OR4K17: variants seen among roughly 807,000 people sequenced by gnomAD.
The protein encoded by OR4K17 is olfactory receptor family 4 subfamily K member 17.
For synonymous variants in OR4K17, 157 were observed against 132.8 expected, an observed-to-expected ratio of 1.18 and a Z score of -1.25; for missense variants, 480 against 366.3, an observed-to-expected ratio of 1.31 and a Z score of -2.53.
In OR4K17 at chr14:20,117,592, C is replaced by A. The variant is rs761450836; in HGVS notation, c.93C>A (p.Phe31Leu). The A allele has an allele frequency of 6.2e-7, 1 of 1,613,866 alleles. No homozygotes were observed. Among genetic ancestry groups the A allele is most frequent in the Non-Finnish European group, 8.5e-7 (1 of 1,179,976 alleles). The change falls in exon 2 of 2, where the codon TTC becomes TTA. Residue 31 changes from phenylalanine to leucine, a missense_variant. Physicochemically the swap from Phe to Leu is conservative, Grantham distance 22. Transcript: ENST00000641386. ...QDVEFLLFAL[F>L]SVIYVVTVLG... is the part of the protein sequence containing the mutation. The stretch of plus-strand genomic sequence containing the variant: ...TAGAGTTTCTTCTCTTTGCCCTCTT[C>A]TCGGTTATCTATGTGGTCACAGTTT...
chr14:20,122,194 A>T lies in OR4K17; in HGVS notation c.*3756A>T, dbSNP rs542446590. On this transcript the variant is annotated 3_prime_UTR_variant, in exon 2 of 2. Transcript: ENST00000641386. ...CTAAATGAATAAAAAGATAAAACCC[A>T]ACTACATACTGCCTCCAAGAGATTT... The T allele has an allele frequency of 6.6e-6, 1 of 152,164 alleles. No individual in the cohort carries two copies. Among genetic ancestry groups the T allele is most frequent in the East Asian group, 1.9e-4 (1 of 5,180 alleles). The allele number at this position is 152,164 out of a possible 1,614,324, so 9.4% of individuals were successfully genotyped here.
In OR4K17 at chr14:20,110,860, T is replaced by C. The variant is rs958869115; in HGVS notation, c.-65T>C. The C allele has an allele frequency of 6.6e-6, 1 of 152,020 alleles. No individual in the cohort carries two copies. The highest frequency in any genetic ancestry group is 2.4e-5 in the African/African-American group (1 of 41,412). 9.4% of individuals were successfully genotyped at this position (152,020 alleles called of 1,614,324 possible). ...GCATGCCCTTCTCGATATTGTCCCCTCTGAACCCATGGCCCTGACTTCTTC... is the reference window on the plus strand; with the variant it reads ...GCATGCCCTTCTCGATATTGTCCCCCCTGAACCCATGGCCCTGACTTCTTC... On this transcript the variant is annotated 5_prime_UTR_variant, in exon 1 of 2. Coordinates refer to ENST00000641386, the MANE Select transcript of OR4K17 (RefSeq NM_001004715.5).
chr14:20,119,049 T>G lies in OR4K17; in HGVS notation c.*611T>G, dbSNP rs1246254422. 1.3e-5 allele frequency: 2 copies of G among 152,054 alleles called. No homozygotes were observed. Among genetic ancestry groups the G allele is most frequent in the South Asian group, 2.1e-4 (1 of 4,820 alleles). The allele number at this position is 152,054 out of a possible 1,614,324, so 9.4% of individuals were successfully genotyped here. A position where few individuals can be genotyped will look rare whatever the true frequency, so the allele number is the denominator to read the frequency against. On this transcript the variant is annotated 3_prime_UTR_variant, in exon 2 of 2. Coordinates refer to ENST00000641386, the MANE Select transcript of OR4K17 (RefSeq NM_001004715.5). ...TGCCAGAGCGGCCATTTTAGAGACCTCCCCCTAGGAATGCATTCTCCTTCT... is the reference window on the plus strand; with the variant it reads ...TGCCAGAGCGGCCATTTTAGAGACCGCCCCCTAGGAATGCATTCTCCTTCT...
intron 1 of OR4K17, among the ~76,000 whole-genome samples, chr14:20,111,335 A>C (rs1365381392): frequency 6.6e-6 from 1 of 152,052 alleles, no homozygotes; most frequent in Non-Finnish European, 1.5e-5. Flanking sequence ...TCATCGACTG[A>C]GTCAGTTTCT....
At chr14:20,116,122 G>A (rs557443149) in intron 1 of OR4K17, among the ~76,000 whole-genome samples, 8 of 152,260 alleles carry the variant, frequency 5.3e-5, no homozygotes, top group South Asian at 2.1e-4. Context: ...GAGACCCAGA[G>A]GGAAAGATAA....
chr14:20,113,750 C>T (rs1877929790), intron 1 of OR4K17, among the ~76,000 whole-genome samples: 1 of 151,880 alleles, frequency 6.6e-6, no homozygotes, highest in African/African-American at 2.4e-5. Context: ...AATGGCCTTC[C>T]TTCAGTTCCT....
chr14:20,115,344 AT>A (rs1877965590), intron 1 of OR4K17, among the ~76,000 whole-genome samples: 1 of 152,114 alleles, frequency 6.6e-6, no homozygotes. Context: ...ATTATTCAAT[AT>A]TTTAAGAAAT....
At chr14:20,112,574 G>T (rs906639619) in intron 1 of OR4K17, among the ~76,000 whole-genome samples, 2 of 152,074 alleles carry the variant, frequency 1.3e-5, no homozygotes, top group East Asian at 3.9e-4. Flanking sequence ...ACACAAACTA[G>T]TTAGGTGAAG....
At chr14:20,111,620 G>A (rs1422279068) in intron 1 of OR4K17, among the ~76,000 whole-genome samples, 6 of 151,878 alleles carry the variant, frequency 4.0e-5, no homozygotes, top group Non-Finnish European at 5.9e-5. Flanking sequence ...GTTTTGCTTT[G>A]GTGTTATTGT....
rs753076701 is a variant in OR4K17 at position 20,118,014 on chromosome 14, A to G, written c.515A>G (p.Asn172Ser). 1.2e-5 allele frequency: 19 copies of G among 1,614,152 alleles called. No individual in the cohort carries two copies. In the Admixed American group the frequency reaches 2.5e-4, roughly 21 times the overall value. Residue 172 changes from asparagine to serine, a missense_variant, in exon 2 of 2, where the codon AAT (asparagine) becomes AGT (serine). Asn to Ser is a conservative substitution (Grantham distance 46, BLOSUM62 1). Coordinates refer to ENST00000641386, the MANE Select transcript of OR4K17 (RefSeq NM_001004715.5). Reference protein sequence around the residue: ...FAVNLPFCGPNVVDSIFCDLP... With the variant: ...FAVNLPFCGPSVVDSIFCDLP... ...GTGAACTTGCCCTTTTGTGGTCCCA[A>G]TGTGGTAGACAGCATTTTTTGTGAC...
Position 20,120,204 on chromosome 14 carries a change from T to C in OR4K17, c.*1766T>C, listed in dbSNP as rs556106130. 1 of 152,320 alleles carries C rather than the reference T, an allele frequency of 6.6e-6. No individual in the cohort carries two copies. The highest frequency in any genetic ancestry group is 2.1e-4 in the South Asian group (1 of 4,830). The allele number at this position is 152,320 out of a possible 1,614,324, so 9.4% of individuals were successfully genotyped here. On this transcript the variant is annotated 3_prime_UTR_variant, in exon 2 of 2. Transcript: ENST00000641386. ...TGATTTGGCACTCACTGTGAGATCA[T>C]GTTTGGTTCTCTGTCTTCTTTACAA... is the stretch of plus-strand genomic sequence containing the variant.
In OR4K17 at chr14:20,118,582, A is replaced by G; in HGVS notation, c.*144A>G. On this transcript the variant is annotated 3_prime_UTR_variant, in exon 2 of 2. Transcript: ENST00000641386. ...CCCTAAGTGTTGACTGGTCTGAGAAATAAAGGGAAAGAATACAAAAGAGAG... is the reference window on the plus strand; with the variant it reads ...CCCTAAGTGTTGACTGGTCTGAGAAGTAAAGGGAAAGAATACAAAAGAGAG... 1 of 565,540 alleles carries G rather than the reference A, an allele frequency of 1.8e-6. No individual in the cohort carries two copies. Among genetic ancestry groups the G allele is most frequent in the East Asian group, 3.0e-5 (1 of 33,648 alleles). 35.0% of individuals were successfully genotyped at this position (565,540 alleles called of 1,614,324 possible). A position where few individuals can be genotyped will look rare whatever the true frequency, so the allele number is the denominator to read the frequency against.
intron 1 of OR4K17, among the ~76,000 whole-genome samples, chr14:20,112,325 C>T (rs1342874040): frequency 6.6e-6 from 1 of 152,068 alleles, no homozygotes; most frequent in Non-Finnish European, 1.5e-5. Flanking sequence ...CCAGGAAAGA[C>T]ATTTGATCAG....
In OR4K17 at chr14:20,117,930, T is replaced by C. The variant is rs1594196075; in HGVS notation, c.431T>C (p.Leu144Pro). 1 of 1,614,154 alleles carries C rather than the reference T, an allele frequency of 6.2e-7. No homozygotes were observed. The highest frequency in any genetic ancestry group is 8.5e-7 in the Non-Finnish European group (1 of 1,180,026). ...ATGAACAAGAAGGTATGTGTTTTGCTTGTAGTGACCTCATGGCTCTTGGGT... is the reference window on the plus strand; with the variant it reads ...ATGAACAAGAAGGTATGTGTTTTGCCTGTAGTGACCTCATGGCTCTTGGGT... The part of the protein sequence containing the change: ...TIMNKKVCVL[L>P]VVTSWLLGLL... Residue 144 changes from leucine (L) to proline (P), a missense_variant, in exon 2 of 2, where the codon CTT becomes CCT. By Grantham distance (98) the Leu-to-Pro change is moderately conservative. Coordinates refer to ENST00000641386, the MANE Select transcript of OR4K17 (RefSeq NM_001004715.5).
intron 1 of OR4K17, chr14:20,111,934 A>G (rs1877891565): frequency 1.3e-5 from 2 of 152,026 alleles, no homozygotes; most frequent in Admixed American, 1.3e-4. Flanking sequence ...TTCTTCCTGC[A>G]GTGGAAAGAG....
rs755449310 is a variant in OR4K17 at position 20,117,900 on chromosome 14, C to T, written c.401C>T (p.Thr134Ile). The T allele has an allele frequency of 1.9e-6, 3 of 1,614,018 alleles. No homozygotes were observed. Among genetic ancestry groups the T allele is most frequent in the South Asian group, 1.1e-5 (1 of 91,068 alleles). Residue 134 changes from threonine (T) to isoleucine (I), a missense_variant, in exon 2 of 2, where the codon ACC becomes ATC. Thr to Ile is a moderately conservative substitution (Grantham distance 89). Transcript: ENST00000641386. ...VAICKPLHYM[T>I]IMNKKVCVLL... ...ATTTGTAAGCCCCTACACTACATGACCATCATGAACAAGAAGGTATGTGTT... is the reference window on the plus strand; with the variant it reads ...ATTTGTAAGCCCCTACACTACATGATCATCATGAACAAGAAGGTATGTGTT...
At chr14:20,116,137 G>A (rs1877986494) in intron 1 of OR4K17, among the ~76,000 whole-genome samples, 1 of 152,134 alleles carries the variant, frequency 6.6e-6, no homozygotes, top group African/African-American at 2.4e-5. Flanking sequence ...AGATAAGGCA[G>A]CTGTTGGAGA....
intron 1 of OR4K17, among the ~76,000 whole-genome samples, chr14:20,111,632 G>A (rs1255803021): frequency 2.6e-5 from 4 of 151,876 alleles, no homozygotes; most frequent in East Asian, 1.9e-4. Flanking sequence ...TGTTATTGTC[G>A]TTAATTAGGC....
rs1878092238 is a variant in OR4K17 at position 20,118,982 on chromosome 14, G to A, written c.*544G>A. 6.6e-6 allele frequency: 1 copy of A among 152,478 alleles called. No homozygotes were observed. The allele number at this position is 152,478 out of a possible 1,614,324, so 9.4% of individuals were successfully genotyped here. A position where few individuals can be genotyped will look rare whatever the true frequency, so the allele number is the denominator to read the frequency against. ...GCCTGGGGACACTACAGGAGACTGGGGCTTATTTCATCCCTTATCTACAGC... is the reference window on the plus strand; with the variant it reads ...GCCTGGGGACACTACAGGAGACTGGAGCTTATTTCATCCCTTATCTACAGC... On this transcript the variant is annotated 3_prime_UTR_variant, in exon 2 of 2. Coordinates refer to ENST00000641386, the MANE Select transcript of OR4K17 (RefSeq NM_001004715.5).
Sources: allele counts gnomAD v4.1 joint callset (sites outside exome capture counted in the v4.1 genomes callset), GRCh38; gene constraint gnomAD v4.1.1; transcripts MANE v1.5; gene names NCBI Gene and HGNC (gene_info 2026-07-23, HGNC 2026-07-21).